PLEKHA7: variants seen among roughly 807,000 people sequenced by gnomAD.
PLEKHA7 encodes the protein pleckstrin homology domain-containing family A member 7.
A neutral mutation model predicts 170.0 loss-of-function variants in PLEKHA7; 104 were observed. That is an observed-to-expected ratio of 0.61 (90% confidence interval 0.52 to 0.72). PLEKHA7 has a LOEUF of 0.72. Ranked by LOEUF, PLEKHA7 falls within the 30% of genes least tolerant of loss-of-function variation. The pLI is 0.00. For synonymous variants in PLEKHA7, 648 were observed against 660.8 expected (o/e 0.98, Z 0.30); for missense variants, 1,615 against 1,671.7 (o/e 0.97, Z 0.59).
rs760753047 is a variant in PLEKHA7, at chr11:16,803,230, A to G, written c.2073T>C (p.Thr691=). ...LKPVKIAESD[T]DVKLSIFCEQ... is the part of the protein sequence containing the mutation. Reference sequence around the variant, plus strand: ...GCGTGTCACTCTGCTCACTCACGTCAGTGTCGCTCTCAGCGATCTTCACAG... The same window carrying G: ...GCGTGTCACTCTGCTCACTCACGTCGGTGTCGCTCTCAGCGATCTTCACAG... Residue 691 remains threonine (T), a synonymous_variant, in exon 14 of 27, where the codon ACT becomes ACC. Transcript: ENST00000531066. 1 of 1,613,670 alleles carries G rather than the reference A, an allele frequency of 6.2e-7. No homozygotes were observed. Among genetic ancestry groups the G allele is most frequent in the Non-Finnish European group, 8.5e-7 (1 of 1,179,546 alleles).
chr11:16,904,535 T>G (rs569130313), intron 3 of PLEKHA7, among the ~76,000 whole-genome samples: 111 of 152,336 alleles, frequency 7.3e-4, no homozygotes, highest in African/African-American at 2.6e-3. Context: ...TAATCTCAAT[T>G]ATCTTTACAA....
intron 23 of PLEKHA7, chr11:16,788,454 G>C (rs1195061396): frequency 6.5e-6 from 1 of 153,046 alleles, no homozygotes; most frequent in African/African-American, 2.4e-5. Context: ...AATCAGGCTA[G>C]AGGTTTAGGG....
chr11:16,795,880 A>C (rs1320008240), intron 17 of PLEKHA7, among the ~76,000 whole-genome samples: 1 of 81,550 alleles, frequency 1.2e-5, no homozygotes, highest in Non-Finnish European at 2.2e-5. Flanking sequence ...TTTGAGATGG[A>C]GTTTCACTCC....
chr11:16,896,626 T>A (rs914976489), intron 3 of PLEKHA7, among the ~76,000 whole-genome samples: 5 of 152,144 alleles, frequency 3.3e-5, no homozygotes, highest in African/African-American at 1.2e-4. Context: ...TATTCCCAAT[T>A]CTCTTTCTAC....
chr11:17,006,389 G>A (rs1383528384), intron 3 of PLEKHA7, among the ~76,000 whole-genome samples: 1 of 150,774 alleles, frequency 6.6e-6, no homozygotes, highest in Non-Finnish European at 1.5e-5. Context: ...CACTCTGGGA[G>A]GCCAAGGCAG....
chr11:16,894,872 C>G (rs1386328896), intron 3 of PLEKHA7, among the ~76,000 whole-genome samples: 1 of 152,142 alleles, frequency 6.6e-6, no homozygotes, highest in Non-Finnish European at 1.5e-5. Flanking sequence ...ATATACAAAT[C>G]ACATCATAAC....
intron 3 of PLEKHA7, among the ~76,000 whole-genome samples, chr11:16,893,191 G>A (rs146594419): frequency 6.6e-6 from 1 of 152,312 alleles, no homozygotes; most frequent in East Asian, 1.9e-4. Context: ...GCATAGGATA[G>A]GTTAAATCAT....
Position 16,791,271 on chromosome 11 carries a change from A to G in PLEKHA7, c.2746-72T>C, listed in dbSNP as rs1003691531. On this transcript the variant is annotated intron_variant, in intron 19 of 26. Transcript: ENST00000531066. This position sits in a 1 kb window ranked among gnomAD's most constrained non-coding sequence, Gnocchi z 4.5. ...AGGGAGGACTGCTAGGTACTGCCAC[A>G]GTGGAGGTTTAAAGGGTAGGAACAG... 1 of 1,413,298 alleles carries G rather than the reference A, an allele frequency of 7.1e-7. No homozygotes were observed. The highest frequency in any genetic ancestry group is 2.5e-5 in the Admixed American group (1 of 40,298). The allele number at this position is 1,413,298 out of a possible 1,614,324, so 87.5% of individuals were successfully genotyped here.
At chr11:17,014,089 C>A (rs768671980) in intron 2 of PLEKHA7, 36 bp downstream of exon 2, 2 of 1,584,404 alleles carry the variant, frequency 1.3e-6, no homozygotes, top group Non-Finnish European at 1.7e-6. Flanking sequence ...TGGGCCGCCG[C>A]TGCGCGCGCC....
intron 4 of PLEKHA7, among the ~76,000 whole-genome samples, chr11:16,867,693 G>T (rs1854503039): frequency 6.6e-6 from 1 of 152,068 alleles, no homozygotes; most frequent in Non-Finnish European, 1.5e-5. Flanking sequence ...TTAGGTAATT[G>T]GTTGCAGCCC....
intron 3 of PLEKHA7, among the ~76,000 whole-genome samples, chr11:16,979,875 G>C (rs1232602040): frequency 6.6e-6 from 1 of 152,158 alleles, no homozygotes; most frequent in Non-Finnish European, 1.5e-5. Context: ...AAGCAGGTCT[G>C]TGTACACAGG....
At chr11:16,953,277 GTAA>G (rs1861514370) in intron 3 of PLEKHA7, among the ~76,000 whole-genome samples, 1 of 152,220 alleles carries the variant, frequency 6.6e-6, no homozygotes, top group Non-Finnish European at 1.5e-5. Context: ...CTTTTTCACA[GTAA>G]TCAGCAAAAT....
intron 3 of PLEKHA7, among the ~76,000 whole-genome samples, chr11:16,924,264 TC>T (rs1859317169): frequency 6.6e-6 from 1 of 152,060 alleles, no homozygotes; most frequent in African/African-American, 2.4e-5. Context: ...ACCTTTCTGC[TC>T]CCCTCCTACT....
At chr11:16,891,778 T>C (rs951837672) in intron 3 of PLEKHA7, among the ~76,000 whole-genome samples, 2 of 152,126 alleles carry the variant, frequency 1.3e-5, no homozygotes, top group African/African-American at 4.8e-5. Flanking sequence ...CTGGAGGAAG[T>C]CCAGGAGAGA....
chr11:16,809,971 T>TCCTC (rs55804338), intron 13 of PLEKHA7, among the ~76,000 whole-genome samples: 125,004 of 151,784 alleles, frequency 0.82, 51,607 homozygotes, highest in South Asian at 0.87. Context: ...ATTAGGGAAC[T>TCCTC]CCTCACTGCA....
Position 16,795,026 on chromosome 11 carries a change from A to G in PLEKHA7, c.2410-8T>C, listed in dbSNP as rs1027424323. 1 of 1,597,668 alleles carries G rather than the reference A, an allele frequency of 6.3e-7. No homozygotes were observed. The highest frequency in any genetic ancestry group is 8.6e-7 in the Non-Finnish European group (1 of 1,164,978). ...CTGTATCTGCGATTTCTCCTGAGGA[A>G]GACGAAGTGGTGGGTTTGCCTTCTT... On this transcript the variant is annotated splice_polypyrimidine_tract_variant and splice_region_variant and intron_variant, in intron 17 of 26. Transcript: ENST00000531066.
At chr11:16,888,435 G>A (rs981526056) in intron 3 of PLEKHA7, among the ~76,000 whole-genome samples, 7 of 152,278 alleles carry the variant, frequency 4.6e-5, no homozygotes, top group Admixed American at 1.3e-4. Context: ...TGGAGAGGTC[G>A]GATTGTTGCT....
chr11:16,915,868 G>T (rs1047171856), intron 3 of PLEKHA7, among the ~76,000 whole-genome samples: 8 of 149,718 alleles, frequency 5.3e-5, no homozygotes, highest in African/African-American at 2.0e-4. Context: ...AGTCCTTTGG[G>T]TATATACCCA....
chr11:16,854,274 A>C (rs1179030998), intron 6 of PLEKHA7, among the ~76,000 whole-genome samples: 2 of 152,220 alleles, frequency 1.3e-5, no homozygotes, highest in Non-Finnish European at 2.9e-5. Context: ...GAATGGCCTC[A>C]GCCGACAGAG....
Sources: allele counts gnomAD v4.1 joint callset (sites outside exome capture counted in the v4.1 genomes callset), GRCh38; gene constraint gnomAD v4.1.1; non-coding constraint Gnocchi (gnomAD v3.1); transcripts MANE v1.5; gene names NCBI Gene and HGNC (gene_info 2026-07-23, HGNC 2026-07-21).